The following AGAP1 variants were observed in gnomAD, a reference collection of about 807,000 sequenced individuals.
The protein encoded by AGAP1 is ArfGAP with GTPase domain, ankyrin repeat and PH domain 1, also known as arf-GAP with GTPase, ANK repeat and PH domain-containing protein 1.
AGAP1 carries 29 observed loss-of-function variants against 105.3 expected under a neutral mutation model. That is an observed-to-expected ratio of 0.28 (90% CI 0.21 to 0.38). AGAP1 has a LOEUF of 0.38. Among genes scored for constraint, AGAP1 ranks in the 10% least tolerant of loss-of-function variants. The pLI is 1.00. For missense variants in AGAP1, 998 were observed against 1,165.1 expected (o/e 0.86, Z 2.09); for synonymous variants, 509 against 485.9 (o/e 1.05, Z -0.63).
rs963116176 is a variant in AGAP1, at chr2:236,020,440, T to C, written c.1646-16121T>C. Among the ~76,000 whole-genome samples the C allele has an allele frequency of 6.6e-6, 1 of 152,220 alleles. No homozygotes were observed. Among genetic ancestry groups the C allele is most frequent in the Non-Finnish European group, 1.5e-5 (1 of 68,046 alleles). ...TTTAAACCTACCCTCCTGCTTCCATTTGCTGTCATCTGAGAAGAATCGTCA... is the reference window on the plus strand; with the variant it reads ...TTTAAACCTACCCTCCTGCTTCCATCTGCTGTCATCTGAGAAGAATCGTCA... On this transcript the variant is annotated intron_variant, in intron 13 of 17. Coordinates refer to ENST00000304032, the MANE Select transcript of AGAP1 (RefSeq NM_001037131.3). The surrounding 1 kb of genome is among the most constrained non-coding windows in gnomAD (Gnocchi z 5.0).
At chr2:236,052,302 G>C (rs574244762) in intron 16 of AGAP1, among the ~76,000 whole-genome samples, 1 of 152,192 alleles carries the variant, frequency 6.6e-6, no homozygotes, top group East Asian at 1.9e-4. Context: ...GAAATGCGTC[G>C]TTCAGCCTGC....
Position 235,574,360 on chromosome 2 carries a change from A to G in AGAP1, c.163+79511A>G, listed in dbSNP as rs900672232. Among the ~76,000 whole-genome samples the G allele has an allele frequency of 6.6e-6, 1 of 152,244 alleles. No homozygotes were observed. Among genetic ancestry groups the G allele is most frequent in the Non-Finnish European group, 1.5e-5 (1 of 68,050 alleles). On this transcript the variant is annotated intron_variant, in intron 1 of 17. Coordinates refer to ENST00000304032, the MANE Select transcript of AGAP1 (RefSeq NM_001037131.3). This position sits in a 1 kb window ranked among gnomAD's most constrained non-coding sequence, Gnocchi z 5.0. Reference sequence around the variant, plus strand: ...GGCCTCAATGGATTGATTTAATTGTATGTGTGAAGCATTTTTTCTTCTTTG... The same window carrying G: ...GGCCTCAATGGATTGATTTAATTGTGTGTGTGAAGCATTTTTTCTTCTTTG...
rs530064141 is a variant in AGAP1, at chr2:236,121,564, G to A, written c.2370+1117G>A. ...TCCACCCGCCTCGGCCTCCCAAAGT[G>A]CTGGGAGTACAGGCATGACCCACCA... On this transcript the variant is annotated intron_variant, in intron 17 of 17. Transcript: ENST00000304032. This position sits in a 1 kb window ranked among gnomAD's most constrained non-coding sequence, Gnocchi z 4.9. 1.3e-5 allele frequency among the ~76,000 whole-genome samples: 2 copies of A among 152,156 alleles called. No individual in the cohort carries two copies. The highest frequency in any genetic ancestry group is 4.8e-5 in the African/African-American group (2 of 41,442).
In AGAP1 at chr2:236,105,673, CACGCCATTCTCCCGCGTT is replaced by C. The variant is rs2059469522; in HGVS notation, c.2115-14518_2115-14501del. ...CGGGTTCACACCATTCTCCCGCGTT[CACGCCATTCTCCCGCGTT>C]CACGCCATTCTCCCACCTCAGCCTC... On this transcript the variant is annotated intron_variant, in intron 16 of 17. Transcript: ENST00000304032. The surrounding 1 kb of genome is among the most constrained non-coding windows in gnomAD (Gnocchi z 4.2). 1.7e-5 allele frequency among the ~76,000 whole-genome samples: 1 copy of C among 58,902 alleles called. No homozygotes were observed. Among genetic ancestry groups the C allele is most frequent in the Non-Finnish European group, 4.5e-5 (1 of 22,278 alleles). 38.6% of individuals were successfully genotyped at this position (58,902 alleles called of 152,430 possible). A position where few individuals can be genotyped will look rare whatever the true frequency, so the allele number is the denominator to read the frequency against.
At chr2:235,554,834 T>TA (rs1943924113) in intron 1 of AGAP1, among the ~76,000 whole-genome samples, 1 of 152,170 alleles carries the variant, frequency 6.6e-6, no homozygotes. Flanking sequence ...CATGCCTGAC[T>TA]AATTTTTGTG....
rs1442806541 is a variant in AGAP1 at position 236,040,979 on chromosome 2, T to C, written c.1891+138T>C. 13 of 804,552 alleles carry C rather than the reference T, an allele frequency of 1.6e-5. No individual in the cohort carries two copies. Among genetic ancestry groups the C allele is most frequent in the Non-Finnish European group, 2.2e-5 (11 of 505,538 alleles). The allele number at this position is 804,552 out of a possible 1,614,324, so 49.8% of individuals were successfully genotyped here. On this transcript the variant is annotated intron_variant, in intron 15 of 17. Coordinates refer to ENST00000304032, the MANE Select transcript of AGAP1 (RefSeq NM_001037131.3). The surrounding 1 kb of genome is among the most constrained non-coding windows in gnomAD (Gnocchi z 5.6). ...TAACTGCTTTTAGGAAATTGAGATATTTTGTTTGGATTTTACCTTAACAGA... is the reference window on the plus strand; with the variant it reads ...TAACTGCTTTTAGGAAATTGAGATACTTTGTTTGGATTTTACCTTAACAGA...
rs1163336627 is a variant in AGAP1, at chr2:235,578,258, C to A, written c.163+83409C>A. ...CCACGGTGCCCGTCTCCTACCTGCA[C>A]TGTGCCCCCACACCTTTGTTGACAA... is the stretch of plus-strand genomic sequence containing the variant. On this transcript the variant is annotated intron_variant, in intron 1 of 17. Coordinates refer to ENST00000304032, the MANE Select transcript of AGAP1 (RefSeq NM_001037131.3). The surrounding 1 kb of genome is among the most constrained non-coding windows in gnomAD (Gnocchi z 4.9). Among the ~76,000 whole-genome samples the A allele has an allele frequency of 1.3e-5, 2 of 152,208 alleles. No homozygotes were observed. Among genetic ancestry groups the A allele is most frequent in the Non-Finnish European group, 2.9e-5 (2 of 68,042 alleles).
rs1429048345 is a variant in AGAP1, at chr2:235,982,288, A to C, written c.1645+13665A>C. Among the ~76,000 whole-genome samples the C allele has an allele frequency of 6.6e-6, 1 of 152,118 alleles. No homozygotes were observed. The highest frequency in any genetic ancestry group is 1.5e-5 in the Non-Finnish European group (1 of 68,046). On this transcript the variant is annotated intron_variant, in intron 13 of 17. Coordinates refer to ENST00000304032, the MANE Select transcript of AGAP1 (RefSeq NM_001037131.3). The surrounding 1 kb of genome is among the most constrained non-coding windows in gnomAD (Gnocchi z 4.9). ...ACACTTTTAGCTGTGAATGCAGAGT[A>C]ACTCTTACAATTAACATATAATTAC...
rs1946517747 is a variant in AGAP1 at position 235,622,546 on chromosome 2, C to T, written c.164-86633C>T. On this transcript the variant is annotated intron_variant, in intron 1 of 17. Transcript: ENST00000304032. This position sits in a 1 kb window ranked among gnomAD's most constrained non-coding sequence, Gnocchi z 5.0. ...TGCTGCTGTGCTTCCTTTAACTGAA[C>T]CCCGGTGGCCCAGTTGCTCCTCTTG... 6.6e-6 allele frequency among the ~76,000 whole-genome samples: 1 copy of T among 152,056 alleles called. No individual in the cohort carries two copies. The highest frequency in any genetic ancestry group is 6.5e-5 in the Admixed American group (1 of 15,268).
In AGAP1 at chr2:235,550,431, AG is replaced by A. The variant is rs1943767798; in HGVS notation, c.163+55584del. 6.6e-6 allele frequency among the ~76,000 whole-genome samples: 1 copy of A among 152,186 alleles called. No individual in the cohort carries two copies. Among genetic ancestry groups the A allele is most frequent in the African/African-American group, 2.4e-5 (1 of 41,442 alleles). ...TCACTGAGCATGCACACGGGCTGTCAGGTCCTGGTCCCAGCTCTGCCTTCCT... is the reference window on the plus strand; with the variant it reads ...TCACTGAGCATGCACACGGGCTGTCAGTCCTGGTCCCAGCTCTGCCTTCCT... On this transcript the variant is annotated intron_variant, in intron 1 of 17. Transcript: ENST00000304032. This position sits in a 1 kb window ranked among gnomAD's most constrained non-coding sequence, Gnocchi z 4.6.
At chr2:235,594,883 G>GTTTTTTTTTTTTT (rs34386154) in intron 1 of AGAP1, among the ~76,000 whole-genome samples, 1 of 109,912 alleles carries the variant, frequency 9.1e-6, no homozygotes, top group African/African-American at 3.7e-5. Flanking sequence ...CCAGATTGCT[G>GTTTTTTTTTTTTT]TTTTTTTTTT....
Position 235,610,859 on chromosome 2 carries a change from C to T in AGAP1, c.164-98320C>T, listed in dbSNP as rs1455844520. Among the ~76,000 whole-genome samples the T allele has an allele frequency of 6.6e-6, 1 of 152,120 alleles. No homozygotes were observed. Among genetic ancestry groups the T allele is most frequent in the African/African-American group, 2.4e-5 (1 of 41,396 alleles). ...CTGCCTTGACACCACCCCCTGCCCA[C>T]AGCCTTCTCATTCTTGTCCTGTAGC... On this transcript the variant is annotated intron_variant, in intron 1 of 17. Transcript: ENST00000304032. The surrounding 1 kb of genome is among the most constrained non-coding windows in gnomAD (Gnocchi z 4.9).
intron 6 of AGAP1, among the ~76,000 whole-genome samples, chr2:235,791,929 C>G (rs1419416926): frequency 6.6e-6 from 1 of 152,176 alleles, no homozygotes; most frequent in East Asian, 1.9e-4. Context: ...ATGCAGTGCC[C>G]TCAGCTGCAT....
rs1004633057 is a variant in AGAP1 at position 235,623,608 on chromosome 2, T to C, written c.164-85571T>C. ...GAAGCTGTGGGCCATTGAGCCAGCC[T>C]GGAGATGCATGGTAGGTTAGGGTGC... On this transcript the variant is annotated intron_variant, in intron 1 of 17. Transcript: ENST00000304032. This position sits in a 1 kb window ranked among gnomAD's most constrained non-coding sequence, Gnocchi z 4.5. Among the ~76,000 whole-genome samples, 3 of 152,192 alleles carry C rather than the reference T, an allele frequency of 2.0e-5. No individual in the cohort carries two copies. Among genetic ancestry groups the C allele is most frequent in the Non-Finnish European group, 4.4e-5 (3 of 68,038 alleles).
intron 6 of AGAP1, among the ~76,000 whole-genome samples, chr2:235,757,491 G>T (rs1352560688): frequency 1.3e-5 from 2 of 152,346 alleles, no homozygotes; most frequent in Non-Finnish European, 2.9e-5. Context: ...TGTTTATCTG[G>T]TAGAGTAGTT....
intron 16 of AGAP1, among the ~76,000 whole-genome samples, chr2:236,052,319 C>T (rs907802545): frequency 1.3e-5 from 2 of 152,098 alleles, no homozygotes; most frequent in Non-Finnish European, 2.9e-5. Context: ...CTGCCCCCAC[C>T]CCCAAACACA....
In AGAP1 at chr2:235,865,916, T is replaced by C. The variant is rs948273938; in HGVS notation, c.1051-17429T>C. Among the ~76,000 whole-genome samples the C allele has an allele frequency of 6.6e-6, 1 of 152,188 alleles. No homozygotes were observed. The highest frequency in any genetic ancestry group is 6.5e-5 in the Admixed American group (1 of 15,288). The stretch of plus-strand genomic sequence containing the variant: ...GAAAGCCAGTTAATTGGGATGTGTT[T>C]TTGCACACAACGAATGATTTCTATG... On this transcript the variant is annotated intron_variant, in intron 9 of 17. Coordinates refer to ENST00000304032, the MANE Select transcript of AGAP1 (RefSeq NM_001037131.3). This position sits in a 1 kb window ranked among gnomAD's most constrained non-coding sequence, Gnocchi z 6.2.
At chr2:235,759,691 C>T (rs1954275466) in intron 6 of AGAP1, among the ~76,000 whole-genome samples, 1 of 151,880 alleles carries the variant, frequency 6.6e-6, no homozygotes, top group Admixed American at 6.6e-5. Flanking sequence ...ATGCCATATC[C>T]CTGGTTTATA....
chr2:235,801,517 C>G lies in AGAP1; in HGVS notation c.957+1995C>G, dbSNP rs184097852. 6.6e-6 allele frequency among the ~76,000 whole-genome samples: 1 copy of G among 152,142 alleles called. No homozygotes were observed. Among genetic ancestry groups the G allele is most frequent in the South Asian group, 2.1e-4 (1 of 4,802 alleles). ...TATTGGGCAGTTTCTTCACACACAC[C>G]GAGAACAGCAGCAGTCACCTAAATA... On this transcript the variant is annotated intron_variant, in intron 8 of 17. Coordinates refer to ENST00000304032, the MANE Select transcript of AGAP1 (RefSeq NM_001037131.3). This position sits in a 1 kb window ranked among gnomAD's most constrained non-coding sequence, Gnocchi z 6.0.
Sources: gnomAD v4.1 joint callset for allele counts (sites outside exome capture counted in the v4.1 genomes callset) on GRCh38, gnomAD v4.1.1 for gene constraint, Gnocchi (gnomAD v3.1) non-coding constraint, MANE v1.5 for transcripts, NCBI Gene and HGNC (gene_info 2026-07-23, HGNC 2026-07-21) for gene names.